Variants in TOX3 observed in about 807,000 individuals in gnomAD.
TOX3 encodes the protein CAG trinucleotide repeat-containing gene F9 protein.
A neutral mutation model predicts 64.3 loss-of-function variants in TOX3; 22 were observed. The ratio of observed to expected loss-of-function variants is 0.34; its 90% CI spans 0.24 to 0.49. TOX3 has a LOEUF of 0.49. TOX3 is among the 20% of genes least tolerant of loss of function. The pLI is 0.99. For missense variants in TOX3, 661 were observed against 714.4 expected (o/e 0.93, Z 0.85); for synonymous variants, 291 against 273.6 (o/e 1.06, Z -0.63).
rs564126392 is a variant in TOX3, at chr16:52,448,894, T to C, written c.678+1383A>G. Among the ~76,000 whole-genome samples the C allele has an allele frequency of 3.9e-5, 6 of 152,342 alleles. No homozygotes were observed. The East Asian group carries it at 9.7e-4, about 25-fold the overall frequency. Reference sequence around the variant, plus strand: ...AACTCTAACATCCCAAACTCTCATGTTCCCCATGGGGGAGAACACTCCTCT... The same window carrying C: ...AACTCTAACATCCCAAACTCTCATGCTCCCCATGGGGGAGAACACTCCTCT... On this transcript the variant is annotated intron_variant, in intron 4 of 6. Transcript: ENST00000219746.
intron 1 of TOX3, among the ~76,000 whole-genome samples, chr16:52,478,770 C>T (rs1248453475): frequency 6.6e-6 from 1 of 152,110 alleles, no homozygotes; most frequent in Non-Finnish European, 1.5e-5. Flanking sequence ...TGTTTCCTCA[C>T]TTCTAAGGAG....
intron 1 of TOX3, among the ~76,000 whole-genome samples, chr16:52,520,016 A>G (rs1962564829): frequency 6.6e-6 from 1 of 151,812 alleles, no homozygotes; most frequent in Non-Finnish European, 1.5e-5. Context: ...GAGAAGAAAT[A>G]GTAGTAGATG....
intron 1 of TOX3, among the ~76,000 whole-genome samples, chr16:52,527,664 A>G (rs543271419): frequency 6.6e-6 from 1 of 152,166 alleles, no homozygotes; most frequent in African/African-American, 2.4e-5. Context: ...TACTCCTCAG[A>G]ATGAGTGCTG....
intron 1 of TOX3, among the ~76,000 whole-genome samples, chr16:52,500,628 T>C (rs146880512): frequency 1.9e-3 from 295 of 152,350 alleles, no homozygotes; most frequent in Non-Finnish European, 3.3e-3. Context: ...GAATAATGCA[T>C]ATGCCAATAT....
intron 1 of TOX3, among the ~76,000 whole-genome samples, chr16:52,493,048 T>C (rs1961739549): frequency 6.6e-6 from 1 of 152,096 alleles, no homozygotes; most frequent in African/African-American, 2.4e-5. Flanking sequence ...ACAGAGCAAG[T>C]GGACAGAACC....
chr16:52,511,616 T>C (rs1322216005), intron 1 of TOX3, among the ~76,000 whole-genome samples: 1 of 152,208 alleles, frequency 6.6e-6, no homozygotes, highest in East Asian at 1.9e-4. Flanking sequence ...ATACTCTCTT[T>C]CTCCTGTGAA....
Position 52,439,701 on chromosome 16 carries a change from T to A in TOX3, c.1255A>T (p.Met419Leu). The A allele has an allele frequency of 5.0e-6, 8 of 1,614,036 alleles. No individual in the cohort carries two copies. The highest frequency in any genetic ancestry group is 6.8e-6 in the Non-Finnish European group (8 of 1,179,890). ...SNIGAPLISS[M>L]GTTMVGSAPS... ...GCTGAGCCAACCATGGTCGTTCCCATGGAGCTTATCAGTGGAGCCCCAATG... is the reference window on the plus strand; with the variant it reads ...GCTGAGCCAACCATGGTCGTTCCCAAGGAGCTTATCAGTGGAGCCCCAATG... Residue 419 changes from methionine to leucine, a missense_variant, in exon 7 of 7, where the codon ATG becomes TTG. Met to Leu is a conservative substitution (Grantham distance 15, BLOSUM62 2). Coordinates refer to ENST00000219746, the MANE Select transcript of TOX3 (RefSeq NM_001080430.4).
chr16:52,546,587 G>A, intron 1 of TOX3, 50 bp downstream of exon 1: 2 of 1,501,306 alleles, frequency 1.3e-6, no homozygotes, highest in Non-Finnish European at 8.9e-7. Context: ...GGCGCGCCCA[G>A]GATGGGGAGG....
intron 1 of TOX3, among the ~76,000 whole-genome samples, chr16:52,479,875 T>C (rs890822079): frequency 6.6e-6 from 1 of 152,192 alleles, no homozygotes; most frequent in African/African-American, 2.4e-5. Flanking sequence ...AATAAGCAGT[T>C]CTACTGATGC....
chr16:52,481,987 A>G (rs1188455194), intron 1 of TOX3, among the ~76,000 whole-genome samples: 2 of 152,166 alleles, frequency 1.3e-5, no homozygotes, highest in Non-Finnish European at 2.9e-5. Flanking sequence ...AACTATTCCA[A>G]AATCTGTAAC....
At chr16:52,441,003 C>A (rs145479720) in intron 6 of TOX3, among the ~76,000 whole-genome samples, 1,774 of 152,124 alleles carry the variant, frequency 0.012, 21 homozygotes, top group African/African-American at 0.026. Flanking sequence ...ACCTCGTGAT[C>A]TGCCCACCTC....
At chr16:52,511,111 CA>C (rs1233816689) in intron 1 of TOX3, among the ~76,000 whole-genome samples, 2 of 152,104 alleles carry the variant, frequency 1.3e-5, no homozygotes, top group Non-Finnish European at 2.9e-5. Context: ...ATGCTGTGAC[CA>C]TCTGAGCATC....
At chr16:52,519,659 C>CTTGGT in intron 1 of TOX3, 3 of 1,306,680 alleles carry the variant, frequency 2.3e-6, no homozygotes, top group Non-Finnish European at 2.0e-6. Context: ...TCTTACCAAG[C>CTTGGT]AAGAAGTAGT....
At chr16:52,521,718 T>G (rs949278521) in intron 1 of TOX3, among the ~76,000 whole-genome samples, 3 of 152,208 alleles carry the variant, frequency 2.0e-5, no homozygotes, top group Non-Finnish European at 4.4e-5. Flanking sequence ...GAACTCAAAC[T>G]GTGATCCCAG....
intron 1 of TOX3, among the ~76,000 whole-genome samples, chr16:52,498,577 C>A (rs903352787): frequency 6.6e-5 from 10 of 151,848 alleles, no homozygotes; most frequent in African/African-American, 2.4e-4. Flanking sequence ...AAATCTGAAC[C>A]TTTGTGGGGT....
rs45496893 is a variant in TOX3 at position 52,534,218 on chromosome 16, C to T, written c.87+12419G>A. Among the ~76,000 whole-genome samples the T allele has an allele frequency of 9.4e-3, 1,435 of 152,188 alleles. 7 individuals carry two copies. The highest frequency in any genetic ancestry group is 0.012 in the Non-Finnish European group (796 of 68,022). The stretch of plus-strand genomic sequence containing the variant: ...AGTAAGGAAAATGGACACAGTTTAT[C>T]CCAAAGCTGAGAAATGAAACTCTAA... On this transcript the variant is annotated intron_variant, in intron 1 of 6. Transcript: ENST00000219746.
intron 1 of TOX3, among the ~76,000 whole-genome samples, chr16:52,528,254 CAG>C (rs1435389113): frequency 6.6e-6 from 1 of 152,126 alleles, no homozygotes; most frequent in East Asian, 1.9e-4. Flanking sequence ...GCTTGGTATA[CAG>C]AGAGTTATAG....
chr16:52,509,101 A>G (rs921116665), intron 1 of TOX3, among the ~76,000 whole-genome samples: 1 of 152,204 alleles, frequency 6.6e-6, no homozygotes, highest in Non-Finnish European at 1.5e-5. Flanking sequence ...TGCAAATACA[A>G]ATAAATGCTT....
chr16:52,459,265 T>C (rs573080794), intron 3 of TOX3, among the ~76,000 whole-genome samples: 1 of 152,278 alleles, frequency 6.6e-6, no homozygotes, highest in African/African-American at 2.4e-5. Flanking sequence ...GCTATGATCA[T>C]ACCACTGTAC....
Sources: gnomAD v4.1 joint callset for allele counts (sites outside exome capture counted in the v4.1 genomes callset) on GRCh38, gnomAD v4.1.1 for gene constraint, MANE v1.5 for transcripts, NCBI Gene and HGNC (gene_info 2026-07-23, HGNC 2026-07-21) for gene names.